POGZ: variants seen among roughly 807,000 people sequenced by gnomAD.
POGZ encodes the protein pogo transposable element with ZNF domain.
In POGZ, 17 loss-of-function variants were observed where a neutral mutation model predicts 134.6. The ratio of observed to expected loss-of-function variants is 0.13; its 90% CI spans 0.09 to 0.19. POGZ has a LOEUF of 0.19. Ranked by LOEUF, POGZ falls within the 10% of genes least tolerant of loss-of-function variation. The probability of loss-of-function intolerance (pLI) is 1.00; values close to 1 mark genes in which losing one functional copy is unlikely to be tolerated. For missense variants in POGZ, 1,306 were observed against 1,769.7 expected (o/e 0.74, Z 4.70); for synonymous variants, 693 against 657.1 (o/e 1.05, Z -0.84).
chr1:151,408,067 T>C, intron 15 of POGZ, 33 bp downstream of exon 15: 1 of 1,432,848 alleles, frequency 7.0e-7, no homozygotes, highest in South Asian at 1.3e-5. Flanking sequence ...ATCTGAACTC[T>C]CAAGCTAAAA....
chr1:151,403,517 C>T lies in POGZ; in HGVS notation c.*1285G>A, dbSNP rs563162709. On this transcript the variant is annotated 3_prime_UTR_variant, in exon 19 of 19. Transcript: ENST00000271715. ...TGGTTTTTTGCTCCTTTTCTCTGTA[C>T]GGTACAGTACGTTTTGGTTTACAAC... The T allele has an allele frequency of 3.9e-5, 38 of 985,406 alleles. No homozygotes were observed. In the Admixed American group the frequency reaches 9.8e-4, roughly 26 times the overall value. 61.0% of individuals were successfully genotyped at this position (985,406 alleles called of 1,614,324 possible).
chr1:151,448,988 T>A (rs1049532034), intron 1 of POGZ, among the ~76,000 whole-genome samples: 13 of 152,154 alleles, frequency 8.5e-5, no homozygotes, highest in African/African-American at 3.1e-4. Flanking sequence ...CTAGTAAGGA[T>A]CTTTTTCAAG....
At chr1:151,433,464 C>G (rs1659050732) in intron 3 of POGZ, among the ~76,000 whole-genome samples, 1 of 151,780 alleles carries the variant, frequency 6.6e-6, no homozygotes, top group Non-Finnish European at 1.5e-5. Context: ...CAAAACTAGC[C>G]AGGCGTAGTG....
intron 15 of POGZ, 61 bp downstream of exon 15, chr1:151,408,039 A>T: frequency 1.5e-6 from 2 of 1,303,958 alleles, no homozygotes; most frequent in Non-Finnish European, 2.1e-6. Context: ...AAAGAAGAAG[A>T]AGAAGAAGAA....
At chr1:151,442,325 T>G in intron 1 of POGZ, 120 bp from the exon 2 acceptor site, 2 of 703,962 alleles carry the variant, frequency 2.8e-6, no homozygotes, top group Admixed American at 5.9e-5. Context: ...TCCTTTATCA[T>G]ATCCTCTAGC....
intron 9 of POGZ, 98 bp from the exon 10 acceptor site, chr1:151,423,649 C>T (rs1176594184): frequency 1.1e-6 from 1 of 909,228 alleles, no homozygotes; most frequent in Non-Finnish European, 1.7e-6. Context: ...TTATCTGCTC[C>T]CCTCCATTCC....
chr1:151,446,754 TCA>T (rs1557946058), intron 1 of POGZ, among the ~76,000 whole-genome samples: 1 of 34,098 alleles, frequency 2.9e-5, no homozygotes, highest in African/African-American at 1.1e-4. Context: ...AGACTCCATC[TCA>T]AAAAAAAAAA....
At chr1:151,458,868 G>C (rs977274894) in intron 1 of POGZ, among the ~76,000 whole-genome samples, 5 of 145,372 alleles carry the variant, frequency 3.4e-5, no homozygotes, top group Non-Finnish European at 7.6e-5. Context: ...CAGCCGGCAG[G>C]CAGGGACCTC....
At chr1:151,449,562 A>AC (rs1012455154) in intron 1 of POGZ, among the ~76,000 whole-genome samples, 31 of 152,284 alleles carry the variant, frequency 2.0e-4, no homozygotes, top group African/African-American at 7.5e-4. Context: ...AAATCATCCC[A>AC]CATTCTATAC....
intron 7 of POGZ, chr1:151,427,005 A>G (rs1657896907): frequency 1.3e-5 from 2 of 151,960 alleles, no homozygotes; most frequent in African/African-American, 2.4e-5. Flanking sequence ...TTCAAGCCCA[A>G]GCCATCCTCT....
intron 7 of POGZ, chr1:151,427,575 T>C: frequency 2.3e-6 from 1 of 442,178 alleles, no homozygotes; most frequent in Non-Finnish European, 4.1e-6. Context: ...TCTTTCATTA[T>C]CTCACCCATC....
chr1:151,405,711 T>A lies in POGZ; in HGVS notation c.3324A>T (p.Val1108=). The A allele has an allele frequency of 6.2e-7, 1 of 1,614,196 alleles. No individual in the cohort carries two copies. Among genetic ancestry groups the A allele is most frequent in the Middle Eastern group, 1.6e-4 (1 of 6,062 alleles). Residue 1108 remains valine, a synonymous_variant, in exon 19 of 19, where the codon GTA becomes GTT. Coordinates refer to ENST00000271715, the MANE Select transcript of POGZ (RefSeq NM_015100.4). The surrounding 1 kb of genome is among the most constrained non-coding windows in gnomAD (Gnocchi z 4.9). Reference sequence around the variant, plus strand: ...AGTCCTGGTTGTGAATCTGCCGTTGTACAAAATCAATGAAGAGTCCTGCAT... The same window carrying A: ...AGTCCTGGTTGTGAATCTGCCGTTGAACAAAATCAATGAAGAGTCCTGCAT... ...AENAGLFIDF[V]QRQIHNQDLP...
chr1:151,435,057 G>T (rs1659352044), intron 3 of POGZ, among the ~76,000 whole-genome samples: 1 of 151,868 alleles, frequency 6.6e-6, no homozygotes, highest in African/African-American at 2.4e-5. Flanking sequence ...CCACCACCAT[G>T]CCCAGCTAAT....
intron 1 of POGZ, among the ~76,000 whole-genome samples, chr1:151,442,888 G>A (rs1660755852): frequency 6.6e-6 from 1 of 151,844 alleles, no homozygotes; most frequent in South Asian, 2.1e-4. Flanking sequence ...AATTAGCCGG[G>A]CACGCTGGCA....
At chr1:151,419,206 A>C (rs1345324001) in intron 10 of POGZ, among the ~76,000 whole-genome samples, 2 of 151,752 alleles carry the variant, frequency 1.3e-5, no homozygotes, top group African/African-American at 4.8e-5. Context: ...ATAAACAAAC[A>C]AAAAAATTAA....
In POGZ at chr1:151,425,084, A is replaced by G. The variant is rs370497966; in HGVS notation, c.1079-23T>C. The G allele has an allele frequency of 4.8e-5, 57 of 1,179,490 alleles. No individual in the cohort carries two copies. The African/African-American group carries it at 6.0e-4, about 12-fold the overall frequency. 73.1% of individuals were successfully genotyped at this position (1,179,490 alleles called of 1,614,324 possible). ...TCACTGAAAGAAGTGAGAAGAATTG[A>G]TAAGATTAATACAATGACACTGGAA... On this transcript the variant is annotated intron_variant, in intron 7 of 18. Transcript: ENST00000271715.
chr1:151,440,027 G>A (rs749883108), intron 3 of POGZ, among the ~76,000 whole-genome samples: 2 of 152,232 alleles, frequency 1.3e-5, no homozygotes, highest in African/African-American at 2.4e-5. Flanking sequence ...AAGGCAGGCA[G>A]AGTAATGTAC....
At chr1:151,432,954 C>CA (rs1251618920) in intron 3 of POGZ, among the ~76,000 whole-genome samples, 2 of 152,264 alleles carry the variant, frequency 1.3e-5, no homozygotes, top group East Asian at 3.9e-4. Context: ...ATAGGTTCCC[C>CA]AACCATCTCT....
intron 1 of POGZ, among the ~76,000 whole-genome samples, chr1:151,451,256 A>G (rs1662025681): frequency 6.6e-6 from 1 of 150,798 alleles, no homozygotes; most frequent in Non-Finnish European, 1.5e-5. Context: ...AAGAAAAGCC[A>G]AAAACAATGT....
Sources: gnomAD v4.1 joint callset for allele counts (sites outside exome capture counted in the v4.1 genomes callset) on GRCh38, gnomAD v4.1.1 for gene constraint, Gnocchi (gnomAD v3.1) non-coding constraint, MANE v1.5 for transcripts, NCBI Gene and HGNC (gene_info 2026-07-23, HGNC 2026-07-21) for gene names.